Variants in KMT2C observed in about 807,000 individuals in gnomAD.
The protein encoded by KMT2C is lysine methyltransferase 2C, also known as histone-lysine N-methyltransferase 2C.
A neutral mutation model predicts 507.9 loss-of-function variants in KMT2C; 88 were observed. The observed-to-expected ratio is 0.17, with a 90% CI of 0.15 to 0.21. The LOEUF is 0.21. KMT2C is among the 10% of genes least tolerant of loss of function. The probability of loss-of-function intolerance (pLI) is 1.00; values close to 1 mark genes in which losing one functional copy is unlikely to be tolerated. For synonymous variants in KMT2C, 2,049 were observed against 2,080.8 expected (o/e 0.98, Z 0.42); for missense variants, 4,954 against 5,957.8 (o/e 0.83, Z 5.55).
intron 37 of KMT2C, among the ~76,000 whole-genome samples, 171 bp downstream of exon 37, chr7:152,179,663 G>A (rs57967656): frequency 3.1e-5 from 3 of 95,306 alleles, no homozygotes; most frequent in South Asian, 7.2e-4. Context: ...AGAGGTTGGG[G>A]GGGGGGGGGG....
In KMT2C at chr7:152,158,849, T is replaced by A. The variant is rs775874901; in HGVS notation, c.11670+14A>T. ...GACTTTTAAAAGAGGCTGCTCTAAATGACTCACCCTCACCTGTTTCAAGTG... is the reference window on the plus strand; with the variant it reads ...GACTTTTAAAAGAGGCTGCTCTAAAAGACTCACCCTCACCTGTTTCAAGTG... On this transcript the variant is annotated intron_variant, in intron 44 of 58. Transcript: ENST00000262189. 6.2e-7 allele frequency: 1 copy of A among 1,612,816 alleles called. No homozygotes were observed. Among genetic ancestry groups the A allele is most frequent in the East Asian group, 2.2e-5 (1 of 44,866 alleles).
rs2090111453 is a variant in KMT2C at position 152,138,268 on chromosome 7, T to C, written c.14643+528A>G. ...ACAGCAAGCTTGGCACTCGGCATTTTGAAGACAACAACCCACACCTGAACT... is the reference window on the plus strand; with the variant it reads ...ACAGCAAGCTTGGCACTCGGCATTTCGAAGACAACAACCCACACCTGAACT... On this transcript the variant is annotated intron_variant, in intron 58 of 58. Transcript: ENST00000262189. The surrounding 1 kb of genome is among the most constrained non-coding windows in gnomAD (Gnocchi z 4.2). 6.5e-6 allele frequency: 1 copy of C among 152,800 alleles called. No individual in the cohort carries two copies. The highest frequency in any genetic ancestry group is 2.1e-4 in the South Asian group (1 of 4,844). 9.5% of individuals were successfully genotyped at this position (152,800 alleles called of 1,614,324 possible).
rs1343895853 is a variant in KMT2C, at chr7:152,171,353, AG to A, written c.9375-12del. The stretch of plus-strand genomic sequence containing the variant: ...CCCATAAAAGGGAACCTGTCAAAAC[AG>A]GGTACACAAGTATCAAGTGATGAGC... On this transcript the variant is annotated splice_polypyrimidine_tract_variant and intron_variant, in intron 39 of 58. Transcript: ENST00000262189. 2.6e-6 allele frequency: 4 copies of A among 1,567,346 alleles called. No individual in the cohort carries two copies. The highest frequency in any genetic ancestry group is 1.4e-5 in the African/African-American group (1 of 73,458).
chr7:152,308,261 A>G (rs2096638324), intron 6 of KMT2C, among the ~76,000 whole-genome samples: 1 of 152,196 alleles, frequency 6.6e-6, no homozygotes. Context: ...TGTCTCAACT[A>G]TACTTTTGAA....
At position 152,177,247 on chromosome 7, in the gene KMT2C, C is replaced by T. The variant is rs1321627777; in HGVS notation, c.8206G>A (p.Asp2736Asn). The change falls in exon 38 of 59, where the codon GAT becomes AAT. Residue 2736 changes from aspartate (D) to asparagine (N), a missense_variant. Asp to Asn is a conservative substitution (Grantham distance 23, BLOSUM62 1). Coordinates refer to ENST00000262189, the MANE Select transcript of KMT2C (RefSeq NM_170606.3). ...DGKVVELDTL[D>N]NLETNDPNLD... ...TTGGGATCATTAGTTTCCAAATTAT[C>T]TAAAGTATCCAATTCAACTACCTTG... is the stretch of plus-strand genomic sequence containing the variant. 1 of 1,613,812 alleles carries T rather than the reference C, an allele frequency of 6.2e-7. No individual in the cohort carries two copies. The highest frequency in any genetic ancestry group is 1.1e-5 in the South Asian group (1 of 91,048).
intron 15 of KMT2C, 138 bp from the exon 16 acceptor site, chr7:152,236,071 T>C (rs2095266755): frequency 5.3e-6 from 3 of 561,946 alleles, no homozygotes; most frequent in Non-Finnish European, 9.6e-6. Context: ...ACCTGGCTTA[T>C]TATTTTTATC....
At chr7:152,225,291 CA>C (rs1437891404) in intron 18 of KMT2C, among the ~76,000 whole-genome samples, 1 of 152,074 alleles carries the variant, frequency 6.6e-6, no homozygotes, top group Admixed American at 6.6e-5. Flanking sequence ...CAAGTGCCCA[CA>C]TTATAATAAA....
chr7:152,330,080 G>T (rs1475738730), intron 3 of KMT2C, among the ~76,000 whole-genome samples: 5 of 142,508 alleles, frequency 3.5e-5, no homozygotes. Context: ...GGAATTGGAG[G>T]TTGCAGTGAG....
At chr7:152,146,870 CTGTT>C (rs948466875) in intron 52 of KMT2C, 135 bp from the exon 53 acceptor site, 17 of 832,596 alleles carry the variant, frequency 2.0e-5, no homozygotes, top group South Asian at 3.9e-5. Context: ...TCTAATAAAT[CTGTT>C]TGGTAATAAT....
intron 2 of KMT2C, among the ~76,000 whole-genome samples, chr7:152,334,508 A>T (rs146734643): frequency 9.2e-5 from 14 of 152,348 alleles, no homozygotes; most frequent in African/African-American, 3.4e-4. Flanking sequence ...TTCATCTTCT[A>T]TGCTTTCCAA....
intron 1 of KMT2C, among the ~76,000 whole-genome samples, chr7:152,362,223 A>G (rs918547373): frequency 5.3e-5 from 8 of 152,244 alleles, no homozygotes; most frequent in Non-Finnish European, 1.0e-4. Context: ...CTGAAGATGA[A>G]GCAAACCATA....
At chr7:152,393,255 G>GC (rs1314003692) in intron 1 of KMT2C, among the ~76,000 whole-genome samples, 2 of 152,142 alleles carry the variant, frequency 1.3e-5, no homozygotes, top group African/African-American at 4.8e-5. Flanking sequence ...GCGATCACCA[G>GC]CCCCTACTTG....
In KMT2C at chr7:152,144,062, G is replaced by A. The variant is rs912015650; in HGVS notation, c.14343+651C>T. On this transcript the variant is annotated intron_variant, in intron 55 of 58. Coordinates refer to ENST00000262189, the MANE Select transcript of KMT2C (RefSeq NM_170606.3). This position sits in a 1 kb window ranked among gnomAD's most constrained non-coding sequence, Gnocchi z 4.4. ...AGTACTGAGGCCAATGTACACAAAC[G>A]GTAACATCACTCAGCAAGGAGCTTG... is the stretch of plus-strand genomic sequence containing the variant. Among the ~76,000 whole-genome samples, 69 of 152,170 alleles carry A rather than the reference G, an allele frequency of 4.5e-4. No individual in the cohort carries two copies. Among genetic ancestry groups the A allele is most frequent in the African/African-American group, 1.6e-3 (65 of 41,438 alleles).
intron 9 of KMT2C, among the ~76,000 whole-genome samples, chr7:152,257,427 C>A (rs184880918): frequency 1.8e-4 from 27 of 152,226 alleles, no homozygotes; most frequent in African/African-American, 6.5e-4. Context: ...AGTGACAATT[C>A]TGAGTAAAAC....
At chr7:152,373,778 T>G (rs2097308319) in intron 1 of KMT2C, among the ~76,000 whole-genome samples, 2 of 152,086 alleles carry the variant, frequency 1.3e-5, no homozygotes. Context: ...TAGAAAGAGA[T>G]ATCAACAACA....
At chr7:152,374,979 A>T (rs2097317342) in intron 1 of KMT2C, among the ~76,000 whole-genome samples, 2 of 152,142 alleles carry the variant, frequency 1.3e-5, no homozygotes, top group South Asian at 4.1e-4. Context: ...ATAATGTCAA[A>T]CATTAAGAGG....
At chr7:152,164,041 A>C (rs974978954) in intron 42 of KMT2C, among the ~76,000 whole-genome samples, 7 of 152,168 alleles carry the variant, frequency 4.6e-5, no homozygotes, top group Non-Finnish European at 8.8e-5. Flanking sequence ...GATTTTTATA[A>C]AGTTATCTGT....
Position 152,376,146 on chromosome 7 carries a change from G to A in KMT2C, c.162-17471C>T, listed in dbSNP as rs80150711. On this transcript the variant is annotated intron_variant, in intron 1 of 58. Transcript: ENST00000262189. ...ATTGTTTTGGAACACCATGAACCAC[G>A]CCCACATAAGATGGCTAACATATAA... Among the ~76,000 whole-genome samples the A allele has an allele frequency of 4.9e-4, 75 of 152,240 alleles. No homozygotes were observed. The East Asian group carries it at 0.011, about 22-fold the overall frequency.
chr7:152,271,133 A>C (rs2095959080), intron 7 of KMT2C, among the ~76,000 whole-genome samples: 1 of 152,176 alleles, frequency 6.6e-6, no homozygotes, highest in South Asian at 2.1e-4. Flanking sequence ...AATTCCATTC[A>C]TTGTTTTCAT....
Sources: gnomAD v4.1 joint callset for allele counts (sites outside exome capture counted in the v4.1 genomes callset) on GRCh38, gnomAD v4.1.1 for gene constraint, Gnocchi (gnomAD v3.1) non-coding constraint, MANE v1.5 for transcripts, NCBI Gene and HGNC (gene_info 2026-07-23, HGNC 2026-07-21) for gene names.